Variants in ZCWPW2 observed in about 807,000 individuals in gnomAD.
ZCWPW2 encodes the protein zinc finger CW-type and PWWP domain containing 2.
ZCWPW2 carries 45 observed loss-of-function variants against 46.6 expected under a neutral mutation model. The ratio of observed to expected loss-of-function variants is 0.96; its 90% confidence interval spans 0.76 to 1.24. ZCWPW2 has a LOEUF of 1.24. Among genes scored for constraint, ZCWPW2 ranks in the 50% most tolerant of loss-of-function variants. ZCWPW2 has a pLI of 0.00. For synonymous variants in ZCWPW2, 152 were observed against 137.1 expected (o/e 1.11, Z -0.76); for missense variants, 429 against 403.9 (o/e 1.06, Z -0.53).
At chr3:28,451,113 C>G (rs1698207376) in intron 4 of ZCWPW2, among the ~76,000 whole-genome samples, 1 of 152,112 alleles carries the variant, frequency 6.6e-6, no homozygotes, top group Admixed American at 6.6e-5. Flanking sequence ...GTTGCCTCAG[C>G]CTGGATCCTG....
chr3:28,493,404 G>GT (rs1315861407), intron 6 of ZCWPW2, among the ~76,000 whole-genome samples: 2 of 101,546 alleles, frequency 2.0e-5, no homozygotes, highest in Non-Finnish European at 4.0e-5. Flanking sequence ...GCGGTGTTTG[G>GT]TTTTTTGTTC....
rs573412581 is a variant in ZCWPW2 at position 28,467,150 on chromosome 3, A to G, written c.493-11664A>G. Among the ~76,000 whole-genome samples the G allele has an allele frequency of 1.5e-4, 23 of 152,314 alleles. No individual in the cohort carries two copies. The South Asian group carries it at 4.6e-3, about 30-fold the overall frequency. On this transcript the variant is annotated intron_variant, in intron 4 of 9. Coordinates refer to ENST00000383768, the MANE Select transcript of ZCWPW2 (RefSeq NM_001040432.4). ...ATAGTTAATGGTTCAGGTTGTATTC[A>G]AATAAGAAAAGTTGTATTGTTTAAT...
intron 4 of ZCWPW2, among the ~76,000 whole-genome samples, chr3:28,440,569 C>T (rs1468268723): frequency 1.3e-5 from 2 of 152,162 alleles, no homozygotes; most frequent in Admixed American, 6.5e-5. Flanking sequence ...GTATTGTCAC[C>T]TAGTTGGCAT....
chr3:28,450,823 G>T (rs1193279415), intron 4 of ZCWPW2, among the ~76,000 whole-genome samples: 1 of 152,146 alleles, frequency 6.6e-6, no homozygotes, highest in Non-Finnish European at 1.5e-5. Flanking sequence ...AATGGAAAGG[G>T]AGCTTTGCCA....
At chr3:28,359,794 A>G (rs921250367) in intron 1 of ZCWPW2, among the ~76,000 whole-genome samples, 2 of 152,130 alleles carry the variant, frequency 1.3e-5, no homozygotes, top group Admixed American at 1.3e-4. Context: ...AATTAAAGAT[A>G]GTGTCTTTTT....
Position 28,502,426 on chromosome 3 carries a change from C to A in ZCWPW2, c.657+10253C>A, listed in dbSNP as rs908911344. Among the ~76,000 whole-genome samples the A allele has an allele frequency of 3.3e-5, 5 of 152,176 alleles. No homozygotes were observed. In the East Asian group the frequency reaches 7.7e-4, roughly 23 times the overall value. ...TGTTGAGACTTATATATTTGCTTAA[C>A]CCTTTTTTATATTTGATTTTTGCTT... On this transcript the variant is annotated intron_variant, in intron 6 of 9. Transcript: ENST00000383768.
At chr3:28,475,775 C>T (rs142666121) in intron 4 of ZCWPW2, among the ~76,000 whole-genome samples, 1 of 152,248 alleles carries the variant, frequency 6.6e-6, no homozygotes, top group Non-Finnish European at 1.5e-5. Context: ...TTCCTGCCCT[C>T]CTTCAGGGAG....
chr3:28,470,937 C>T (rs973493719), intron 4 of ZCWPW2, among the ~76,000 whole-genome samples: 1 of 151,964 alleles, frequency 6.6e-6, no homozygotes, highest in African/African-American at 2.4e-5. Flanking sequence ...ACAATCAATA[C>T]TACAGAAATT....
At chr3:28,435,440 A>T (rs886834445) in intron 4 of ZCWPW2, among the ~76,000 whole-genome samples, 171 bp downstream of exon 4, 1 of 150,848 alleles carries the variant, frequency 6.6e-6, no homozygotes, top group Non-Finnish European at 1.5e-5. Flanking sequence ...GAAAGTATGG[A>T]TATAAAATAG....
chr3:28,356,454 C>T (rs534356517), intron 1 of ZCWPW2, among the ~76,000 whole-genome samples: 3 of 152,304 alleles, frequency 2.0e-5, no homozygotes, highest in Non-Finnish European at 4.4e-5. Context: ...GGCAATTCCT[C>T]AAGGATCTAG....
At position 28,390,505 on chromosome 3, in the gene ZCWPW2, C is replaced by T. The variant is rs1293822920; in HGVS notation, c.-126C>T. Reference sequence around the variant, plus strand: ...GATGTATAACTTCTTCAGATTCATCCCAGTAGAACGCCTGCCTCTTTAGTG... The same window carrying T: ...GATGTATAACTTCTTCAGATTCATCTCAGTAGAACGCCTGCCTCTTTAGTG... On this transcript the variant is annotated 5_prime_UTR_variant, in exon 2 of 10. Transcript: ENST00000383768. 1.0e-6 allele frequency: 1 copy of T among 984,988 alleles called. No individual in the cohort carries two copies. Among genetic ancestry groups the T allele is most frequent in the Admixed American group, 6.2e-5 (1 of 16,212 alleles). The allele number at this position is 984,988 out of a possible 1,614,324, so 61.0% of individuals were successfully genotyped here.
intron 8 of ZCWPW2, among the ~76,000 whole-genome samples, chr3:28,519,860 A>G (rs1275731902): frequency 3.3e-5 from 5 of 152,148 alleles, no homozygotes; most frequent in African/African-American, 9.7e-5. Context: ...TCAAATGAAA[A>G]TGTTTGTTTT....
chr3:28,461,238 A>G (rs1052577092), intron 4 of ZCWPW2, among the ~76,000 whole-genome samples: 1 of 152,146 alleles, frequency 6.6e-6, no homozygotes, highest in Non-Finnish European at 1.5e-5. Flanking sequence ...TTGTCATTGT[A>G]CCTAGAGTGT....
At chr3:28,445,724 A>T (rs1426529263) in intron 4 of ZCWPW2, among the ~76,000 whole-genome samples, 1 of 152,174 alleles carries the variant, frequency 6.6e-6, no homozygotes, top group Non-Finnish European at 1.5e-5. Flanking sequence ...TAAACTCCCC[A>T]GTCAAAAGAC....
intron 3 of ZCWPW2, among the ~76,000 whole-genome samples, chr3:28,424,626 C>T (rs193168728): frequency 6.6e-6 from 1 of 152,048 alleles, no homozygotes; most frequent in African/African-American, 2.4e-5. Flanking sequence ...GTTAATCCCC[C>T]ACAACTATGA....
chr3:28,463,518 A>T (rs1698718684), intron 4 of ZCWPW2, among the ~76,000 whole-genome samples: 1 of 152,180 alleles, frequency 6.6e-6, no homozygotes, highest in African/African-American at 2.4e-5. Context: ...AAATTAATAG[A>T]TATACTCAGA....
chr3:28,493,247 C>G (rs1699887047), intron 6 of ZCWPW2, among the ~76,000 whole-genome samples: 1 of 141,902 alleles, frequency 7.0e-6, no homozygotes, highest in South Asian at 2.4e-4. Context: ...GCGCTGCAGC[C>G]ACTAACGTGT....
intron 2 of ZCWPW2, among the ~76,000 whole-genome samples, chr3:28,404,550 T>C (rs1696080950): frequency 6.6e-6 from 1 of 152,114 alleles, no homozygotes; most frequent in South Asian, 2.1e-4. Context: ...AAAAAAGTTA[T>C]TATATGAAAA....
intron 3 of ZCWPW2, among the ~76,000 whole-genome samples, chr3:28,424,628 CA>C (rs1696932872): frequency 6.6e-6 from 1 of 152,114 alleles, no homozygotes; most frequent in Non-Finnish European, 1.5e-5. Flanking sequence ...TAATCCCCCA[CA>C]ACTATGAAAA....
Sources: allele counts gnomAD v4.1 joint callset (sites outside exome capture counted in the v4.1 genomes callset), GRCh38; gene constraint gnomAD v4.1.1; transcripts MANE v1.5; gene names NCBI Gene and HGNC (gene_info 2026-07-23, HGNC 2026-07-21).